Variants in INPP4B observed in about 807,000 individuals in gnomAD.
INPP4B encodes the protein inositol polyphosphate 4-phosphatase type II.
A neutral mutation model predicts 122.5 loss-of-function variants in INPP4B; 55 were observed. The ratio of observed to expected loss-of-function variants is 0.45; its 90% CI spans 0.36 to 0.56. The LOEUF (loss-of-function observed/expected upper bound fraction) is 0.56. Among genes scored for constraint, INPP4B ranks in the 20% least tolerant of loss-of-function variants. INPP4B has a pLI of 0.00. For synonymous variants in INPP4B, 403 were observed against 388.7 expected, an observed-to-expected ratio of 1.04 and a Z score of -0.43; for missense variants, 1,000 against 1,097.7, an observed-to-expected ratio of 0.91 and a Z score of 1.26.
At chr4:142,414,545 G>GA (rs1387290660) in intron 5 of INPP4B, among the ~76,000 whole-genome samples, 2 of 152,128 alleles carry the variant, frequency 1.3e-5, no homozygotes, top group Admixed American at 6.6e-5. Context: ...CATATGAAAA[G>GA]AAAAAATTTG....
intron 2 of INPP4B, among the ~76,000 whole-genome samples, chr4:142,487,906 T>A (rs750307635): frequency 7.0e-4 from 107 of 152,270 alleles, no homozygotes; most frequent in Admixed American, 1.8e-3. Flanking sequence ...GTGATGGCTT[T>A]TACTTCTTTT....
intron 8 of INPP4B, among the ~76,000 whole-genome samples, chr4:142,313,217 C>T (rs1325666884): frequency 1.3e-5 from 2 of 152,020 alleles, no homozygotes. Context: ...CACGACTGGG[C>T]CAAAATATCA....
At chr4:142,706,671 T>C (rs1169424718) in intron 2 of INPP4B, among the ~76,000 whole-genome samples, 1 of 152,208 alleles carries the variant, frequency 6.6e-6, no homozygotes, top group Non-Finnish European at 1.5e-5. Flanking sequence ...TAAATCCCAT[T>C]GGCTGAAGTT....
chr4:142,334,643 A>G (rs1303523600), intron 7 of INPP4B, among the ~76,000 whole-genome samples: 4 of 152,112 alleles, frequency 2.6e-5, no homozygotes, highest in African/African-American at 7.2e-5. Context: ...ATAATAGCCA[A>G]TTTAACAGGT....
chr4:142,158,862 TCTCA>T (rs1818587627), intron 17 of INPP4B, among the ~76,000 whole-genome samples: 1 of 151,922 alleles, frequency 6.6e-6, no homozygotes, highest in South Asian at 2.1e-4. Context: ...ATTCCAAGAT[TCTCA>T]CTTGATTTAA....
intron 2 of INPP4B, among the ~76,000 whole-genome samples, chr4:142,561,271 T>A (rs1027758086): frequency 1.4e-4 from 21 of 152,220 alleles, no homozygotes; most frequent in African/African-American, 4.1e-4. Flanking sequence ...AATACTGTTT[T>A]AAAAGATACT....
rs140980147 is a variant in INPP4B at position 142,839,253 on chromosome 4, T to C, written c.-254+6956A>G. ...CGGGTGGATAACCTGAGGTCAGGAG[T>C]TCGAGACCAGCCTGGCCAACATAGT... On this transcript the variant is annotated intron_variant, in intron 1 of 25. Coordinates refer to ENST00000262992, the MANE Select transcript of INPP4B (RefSeq NM_001101669.3). Among the ~76,000 whole-genome samples the C allele has an allele frequency of 9.2e-4, 140 of 152,082 alleles. 1 individual carries two copies. Among genetic ancestry groups the C allele is most frequent in the African/African-American group, 3.3e-3 (135 of 41,458 alleles).
intron 2 of INPP4B, among the ~76,000 whole-genome samples, chr4:142,724,599 C>A (rs924661876): frequency 1.3e-5 from 2 of 152,126 alleles, no homozygotes; most frequent in South Asian, 4.1e-4. Context: ...CCTCAATTAA[C>A]TTCATTAACC....
chr4:142,756,343 C>A (rs1365695069), intron 1 of INPP4B, among the ~76,000 whole-genome samples: 1 of 152,004 alleles, frequency 6.6e-6, no homozygotes, highest in Non-Finnish European at 1.5e-5. Context: ...AAAATTGAAA[C>A]TGCCTTACCT....
At chr4:142,566,685 G>T (rs1398906512) in intron 2 of INPP4B, among the ~76,000 whole-genome samples, 1 of 152,154 alleles carries the variant, frequency 6.6e-6, no homozygotes, top group Non-Finnish European at 1.5e-5. Flanking sequence ...TACAAAGCCA[G>T]TAAAAGGCAC....
At chr4:142,059,655 C>T (rs1759560731) in intron 25 of INPP4B, among the ~76,000 whole-genome samples, 1 of 152,112 alleles carries the variant, frequency 6.6e-6, no homozygotes, top group African/African-American at 2.4e-5. Flanking sequence ...AATAATAACC[C>T]AGAATAAAAT....
chr4:142,045,673 G>A (rs901054311), intron 25 of INPP4B, among the ~76,000 whole-genome samples: 4 of 152,116 alleles, frequency 2.6e-5, no homozygotes, highest in Admixed American at 2.6e-4. Flanking sequence ...CAGCTTCATG[G>A]AATATTTCCC....
At chr4:142,339,274 C>A (rs1777880351) in intron 7 of INPP4B, among the ~76,000 whole-genome samples, 1 of 152,196 alleles carries the variant, frequency 6.6e-6, no homozygotes, top group South Asian at 2.1e-4. Flanking sequence ...CTGTTTGCTA[C>A]TGGGACTCTG....
chr4:142,770,414 G>T (rs1384494085), intron 1 of INPP4B, among the ~76,000 whole-genome samples: 2 of 152,100 alleles, frequency 1.3e-5, no homozygotes, highest in African/African-American at 4.8e-5. Flanking sequence ...TTATAGAGAA[G>T]ATGAACTTTT....
chr4:142,796,230 C>T (rs1355294532), intron 1 of INPP4B, among the ~76,000 whole-genome samples: 2 of 151,924 alleles, frequency 1.3e-5, no homozygotes, highest in African/African-American at 2.4e-5. Flanking sequence ...GAGAAGTAAA[C>T]AGACTTGGAG....
intron 2 of INPP4B, among the ~76,000 whole-genome samples, chr4:142,656,330 A>G (rs926631615): frequency 1.3e-5 from 2 of 152,196 alleles, no homozygotes; most frequent in Non-Finnish European, 2.9e-5. Flanking sequence ...AACTAAGGAA[A>G]GTCCTGCATC....
chr4:142,398,708 G>C (rs1348821589), intron 7 of INPP4B, among the ~76,000 whole-genome samples: 1 of 151,900 alleles, frequency 6.6e-6, no homozygotes, highest in Non-Finnish European at 1.5e-5. Flanking sequence ...AACTGCTCTA[G>C]AACTAAACTG....
chr4:142,706,471 T>C (rs1297215772), intron 2 of INPP4B, among the ~76,000 whole-genome samples: 3 of 152,242 alleles, frequency 2.0e-5, no homozygotes, highest in Non-Finnish European at 4.4e-5. Flanking sequence ...TCCTGTCCTT[T>C]GTCTAGTCTG....
intron 7 of INPP4B, among the ~76,000 whole-genome samples, chr4:142,386,054 T>A (rs1795862306): frequency 6.6e-6 from 1 of 152,156 alleles, no homozygotes; most frequent in Non-Finnish European, 1.5e-5. Context: ...CTTCCTCCAG[T>A]GTCTGAAAAA....
Sources: allele counts gnomAD v4.1 joint callset (sites outside exome capture counted in the v4.1 genomes callset), GRCh38; gene constraint gnomAD v4.1.1; transcripts MANE v1.5; gene names NCBI Gene and HGNC (gene_info 2026-07-23, HGNC 2026-07-21).